Variants in ARHGAP8 observed in about 807,000 individuals in gnomAD.
The protein encoded by ARHGAP8 is Rho GTPase activating protein 8, also known as rho GTPase-activating protein 8.
In ARHGAP8, 62 loss-of-function variants were observed where a neutral mutation model predicts 46.1. That is an observed-to-expected ratio of 1.34 (90% CI 1.10 to 1.66). ARHGAP8 has a LOEUF of 1.66. ARHGAP8 is among the 40% of genes most tolerant of loss of function. The pLI, the probability that ARHGAP8 is intolerant of heterozygous loss-of-function variation, is 0.00. For synonymous variants in ARHGAP8, 375 were observed against 243.1 expected (o/e 1.54, Z -5.05); for missense variants, 923 against 568.4 (o/e 1.62, Z -6.34).
Position 44,823,652 on chromosome 22 carries a change from A to T in ARHGAP8, c.485+1183A>T, listed in dbSNP as rs562682667. On this transcript the variant is annotated intron_variant, in intron 6 of 11. Coordinates refer to ENST00000356099, the MANE Select transcript of ARHGAP8 (RefSeq NM_181335.3). ...AGACCTCACTAAAGTGATCCGGGGG[A>T]GTCCATGGAGACGGCTCAGAAGATG... Among the ~76,000 whole-genome samples the T allele has an allele frequency of 1.4e-4, 21 of 152,260 alleles. 1 individual carries two copies. Among genetic ancestry groups the T allele is most frequent in the Admixed American group, 1.4e-3 (21 of 15,304 alleles).
At chr22:44,771,058 A>G (rs888809270) in intron 1 of ARHGAP8, among the ~76,000 whole-genome samples, 1 of 152,146 alleles carries the variant, frequency 6.6e-6, no homozygotes, top group African/African-American at 2.4e-5. Context: ...AGGTGGTTTC[A>G]CTGTTGTTGA....
At chr22:44,758,314 C>T (rs899793825) in intron 1 of ARHGAP8, among the ~76,000 whole-genome samples, 5 of 152,048 alleles carry the variant, frequency 3.3e-5, no homozygotes, top group Admixed American at 1.3e-4. Flanking sequence ...CCCAGCTACT[C>T]GGGAGGCTGA....
intron 4 of ARHGAP8, 56 bp from the exon 5 acceptor site, chr22:44,814,616 G>T: frequency 6.6e-7 from 1 of 1,508,994 alleles, no homozygotes; most frequent in African/African-American, 1.4e-5. Flanking sequence ...GTTATTGGGC[G>T]TGGGGTGTTT....
At chr22:44,847,275 G>A (rs932328875) in intron 8 of ARHGAP8, among the ~76,000 whole-genome samples, 5 of 152,204 alleles carry the variant, frequency 3.3e-5, no homozygotes, top group Non-Finnish European at 5.9e-5. Context: ...CCAATTACAA[G>A]CACTGAAAAT....
At chr22:44,812,971 G>A (rs1242632894) in intron 4 of ARHGAP8, among the ~76,000 whole-genome samples, 1 of 152,044 alleles carries the variant, frequency 6.6e-6, no homozygotes, top group African/African-American at 2.4e-5. Context: ...GCCGTTTTAA[G>A]GACTCCCAGG....
At chr22:44,791,900 A>G (rs1030050117) in intron 2 of ARHGAP8, among the ~76,000 whole-genome samples, 2 of 152,220 alleles carry the variant, frequency 1.3e-5, no homozygotes, top group African/African-American at 4.8e-5. Flanking sequence ...TTTACAGTCA[A>G]AGCACCAAAG....
chr22:44,845,194 G>C, intron 7 of ARHGAP8, 75 bp from the exon 8 acceptor site: 1 of 1,578,424 alleles, frequency 6.3e-7, no homozygotes, highest in South Asian at 1.1e-5. Flanking sequence ...GTGTGGAGAG[G>C]ACCAGCGCCT....
At chr22:44,785,392 C>T (rs1224297225) in intron 1 of ARHGAP8, among the ~76,000 whole-genome samples, 1 of 152,100 alleles carries the variant, frequency 6.6e-6, no homozygotes, top group Non-Finnish European at 1.5e-5. Flanking sequence ...TGCACTTTCC[C>T]GAAGGCTCCA....
intron 1 of ARHGAP8, among the ~76,000 whole-genome samples, chr22:44,769,309 A>G (rs1838565770): frequency 6.6e-6 from 1 of 152,210 alleles, no homozygotes; most frequent in Non-Finnish European, 1.5e-5. Context: ...TTTCTGTTCC[A>G]TTCCACTGAC....
intron 7 of ARHGAP8, among the ~76,000 whole-genome samples, chr22:44,831,292 C>T (rs4823391): frequency 0.2 from 30,602 of 152,040 alleles, 4,193 homozygotes; most frequent in East Asian, 0.73. Context: ...AGTTTTACCA[C>T]TTAGGGGTTA....
At chr22:44,800,695 G>GTA (rs1383416163) in intron 2 of ARHGAP8, among the ~76,000 whole-genome samples, 3 of 21,970 alleles carry the variant, frequency 1.4e-4, no homozygotes, top group African/African-American at 3.0e-4. Flanking sequence ...TGTGGGGGGC[G>GTA]CCCCTCCCCG....
At chr22:44,804,525 C>T (rs972023548) in intron 3 of ARHGAP8, among the ~76,000 whole-genome samples, 2 of 152,160 alleles carry the variant, frequency 1.3e-5, no homozygotes, top group African/African-American at 2.4e-5. Flanking sequence ...TCTGGGTGTC[C>T]CTGGAAACAT....
chr22:44,790,474 G>C (rs900634244), intron 2 of ARHGAP8, among the ~76,000 whole-genome samples: 10 of 151,794 alleles, frequency 6.6e-5, no homozygotes, highest in Non-Finnish European at 1.5e-4. Flanking sequence ...TCAGAAGTTC[G>C]AGACCAGCCT....
intron 5 of ARHGAP8, among the ~76,000 whole-genome samples, chr22:44,820,378 G>T (rs974406451): frequency 6.6e-6 from 1 of 152,164 alleles, no homozygotes; most frequent in African/African-American, 2.4e-5. Flanking sequence ...CTGTCCCTGA[G>T]AATGGTTCCT....
Position 44,859,942 on chromosome 22 carries a change from G to T in ARHGAP8, c.981+108G>T, listed in dbSNP as rs923783696. 7 of 1,320,908 alleles carry T rather than the reference G, an allele frequency of 5.3e-6. No individual in the cohort carries two copies. In the Admixed American group the frequency reaches 1.6e-4, roughly 31 times the overall value. 81.8% of individuals were successfully genotyped at this position (1,320,908 alleles called of 1,614,324 possible). On this transcript the variant is annotated intron_variant, in intron 11 of 11. Coordinates refer to ENST00000356099, the MANE Select transcript of ARHGAP8 (RefSeq NM_181335.3). ...TGCCCTGGGTCTGGGGTCATGCCCT[G>T]CTTGGGCCTCGGAATACCACTCCCT... is the stretch of plus-strand genomic sequence containing the variant.
intron 11 of ARHGAP8, among the ~76,000 whole-genome samples, chr22:44,860,133 T>G (rs1256662527): frequency 6.6e-6 from 1 of 152,152 alleles, no homozygotes; most frequent in Non-Finnish European, 1.5e-5. Flanking sequence ...TGTCATTTCC[T>G]GCTTGGGCTG....
chr22:44,853,021 C>G (rs1321032102), intron 10 of ARHGAP8, among the ~76,000 whole-genome samples: 1 of 152,196 alleles, frequency 6.6e-6, no homozygotes, highest in African/African-American at 2.4e-5. Flanking sequence ...CCAGGATGGT[C>G]TCAATCTCCT....
chr22:44,785,171 A>G (rs908811305), intron 1 of ARHGAP8, among the ~76,000 whole-genome samples: 1 of 152,104 alleles, frequency 6.6e-6, no homozygotes, highest in Admixed American at 6.5e-5. Context: ...TTGCATCAGA[A>G]TCACCTCCAG....
At chr22:44,852,328 T>G (rs2070117140) in intron 10 of ARHGAP8, among the ~76,000 whole-genome samples, 1 of 151,990 alleles carries the variant, frequency 6.6e-6, no homozygotes, top group African/African-American at 2.4e-5. Context: ...CCTTTTGTCA[T>G]TCCGCCGTCT....
Sources: gnomAD v4.1 joint callset for allele counts (sites outside exome capture counted in the v4.1 genomes callset) on GRCh38, gnomAD v4.1.1 for gene constraint, MANE v1.5 for transcripts, NCBI Gene and HGNC (gene_info 2026-07-23, HGNC 2026-07-21) for gene names.